Variants in MYH6 observed in about 807,000 individuals in gnomAD.
The protein encoded by MYH6 is myosin-6.
MYH6 carries 126 observed loss-of-function variants against 223.2 expected under a neutral mutation model. The observed-to-expected ratio is 0.56, with a 90% CI of 0.49 to 0.65. The LOEUF is 0.65. MYH6 is among the 30% of genes least tolerant of loss of function. The pLI, the probability that MYH6 is intolerant of heterozygous loss-of-function variation, is 0.00. For synonymous variants in MYH6, 978 were observed against 1,010.2 expected (o/e 0.97, Z 0.61); for missense variants, 2,040 against 2,536.4 (o/e 0.80, Z 4.20).
chr14:23,392,668 G>A lies in MYH6; in HGVS notation c.3252-16C>T, dbSNP rs779250087. ...AAACTCCTTCCTGCAGGAGAAGGGT[G>A]GGGGTGGGGGAGTGACAGGTAGCCT... On this transcript the variant is annotated splice_polypyrimidine_tract_variant and intron_variant, in intron 24 of 38. Transcript: ENST00000405093. 56 of 1,302,238 alleles carry A rather than the reference G, an allele frequency of 4.3e-5. 2 individuals are homozygous for A. The South Asian group carries it at 6.2e-4, about 14-fold the overall frequency. The allele number at this position is 1,302,238 out of a possible 1,614,324, so 80.7% of individuals were successfully genotyped here.
At chr14:23,397,487 A>G (rs956666571) in intron 16 of MYH6, 56 bp downstream of exon 16, 13 of 1,577,040 alleles carry the variant, frequency 8.2e-6, no homozygotes, top group Admixed American at 1.7e-5. Flanking sequence ...TGCAGCCAGA[A>G]GTCTCTGGGC....
chr14:23,382,801 G>A (rs1035216218), intron 37 of MYH6, among the ~76,000 whole-genome samples: 6 of 152,128 alleles, frequency 3.9e-5, no homozygotes, highest in East Asian at 1.9e-4. Flanking sequence ...CCCGATCTGG[G>A]CCCCTTCAGA....
rs1555333539 is a variant in MYH6 at position 23,388,900 on chromosome 14, C to T, written c.4134G>A (p.Glu1378=). ...CCTCAGTCCGCTGAATGGCGTCCGT[C>T]TCATACTTGGTCCTCCACTGGGCCA... is the stretch of plus-strand genomic sequence containing the variant. The part of the protein sequence containing the change: ...SEVAQWRTKY[E]TDAIQRTEEL... Residue 1378 remains glutamate (E), a synonymous_variant, in exon 29 of 39, where the codon GAG becomes GAA. Transcript: ENST00000405093. 3 of 1,613,810 alleles carry T rather than the reference C, an allele frequency of 1.9e-6. 1 individual carries two copies. The Admixed American group carries it at 5.0e-5, about 27-fold the overall frequency.
At chr14:23,384,184 G>A (rs1254853594) in intron 36 of MYH6, among the ~76,000 whole-genome samples, 4 of 129,626 alleles carry the variant, frequency 3.1e-5, no homozygotes, top group African/African-American at 6.5e-5. Context: ...AGCACTTAGA[G>A]TTATTAAAAA....
intron 19 of MYH6, 41 bp downstream of exon 19, chr14:23,396,653 G>A (rs761851326): frequency 2.5e-6 from 4 of 1,613,950 alleles, no homozygotes; most frequent in Non-Finnish European, 8.5e-7. Flanking sequence ...ACTCAACATG[G>A]CCACCTGCCC....
rs1891755697 is a variant in MYH6 at position 23,405,467 on chromosome 14, C to T, written c.346-88G>A. ...GCAGCCAGGCATGTCCCTGTTCACT[C>T]CAGCTGGCTCTACTCCTCCTGCAGC... On this transcript the variant is annotated intron_variant, in intron 4 of 38. Coordinates refer to ENST00000405093, the MANE Select transcript of MYH6 (RefSeq NM_002471.4). This position sits in a 1 kb window ranked among gnomAD's most constrained non-coding sequence, Gnocchi z 4.7. The T allele has an allele frequency of 5.6e-6, 9 of 1,605,580 alleles. No homozygotes were observed. Among genetic ancestry groups the T allele is most frequent in the Non-Finnish European group, 7.7e-6 (9 of 1,173,300 alleles).
chr14:23,396,329 C>G lies in MYH6; in HGVS notation c.2384G>C (p.Arg795Pro). Residue 795 changes from arginine (R) to proline (P), a missense_variant, in exon 20 of 39, where the codon CGG (arginine) becomes CCG (proline). Around this residue, in one of 4 missense-constraint regions of MYH6, gnomAD observed 649 missense variants for 877.3 expected, o/e 0.74. Coordinates refer to ENST00000405093, the MANE Select transcript of MYH6 (RefSeq NM_002471.4). The part of the protein sequence containing the change: ...RIITRMQAQA[R>P]GQLMRIEFKK... ...GAACTCAATGCGCATGAGCTGGCCCCGGGCTTGGGCCTGCATGCGCGTGAT... is the reference window on the plus strand; with the variant it reads ...GAACTCAATGCGCATGAGCTGGCCCGGGGCTTGGGCCTGCATGCGCGTGAT... 1 of 1,614,150 alleles carries G rather than the reference C, an allele frequency of 6.2e-7. No homozygotes were observed. The highest frequency in any genetic ancestry group is 2.2e-5 in the East Asian group (1 of 44,874).
rs1891327210 is a variant in MYH6 at position 23,394,197 on chromosome 14, G to A, written c.2556C>T (p.Ala852=). 1 of 1,614,222 alleles carries A rather than the reference G, an allele frequency of 6.2e-7. No individual in the cohort carries two copies. Among genetic ancestry groups the A allele is most frequent in the Non-Finnish European group, 8.5e-7 (1 of 1,180,048 alleles). ...TGCGCCCGAACTCTTCCTTCATGGT[G>A]GCCATCTCCTTCTCCGTCTCTGCGC... is the stretch of plus-strand genomic sequence containing the variant. ...LKSAETEKEM[A]TMKEEFGRIK... is the part of the protein sequence containing the mutation. Residue 852 remains alanine, a synonymous_variant, in exon 21 of 39, where the codon GCC becomes GCT. Coordinates refer to ENST00000405093, the MANE Select transcript of MYH6 (RefSeq NM_002471.4).
rs1372933415 is a variant in MYH6, at chr14:23,394,069, G to A, written c.2684C>T (p.Ala895Val). The part of the protein sequence containing the change: ...EKNDLQLQVQ[A>V]EQDNLNDAEE... ...GAAGAGATAATCACGTGGCCTCACC[G>A]CCTGCACTTGGAGCTGCAGGTCATT... The change falls in exon 21 of 39, where the codon GCG becomes GTG. Residue 895 changes from alanine (A) to valine (V), a missense_variant and splice_region_variant. By Grantham distance (64) the Ala-to-Val change is moderately conservative. Coordinates refer to ENST00000405093, the MANE Select transcript of MYH6 (RefSeq NM_002471.4). 26 of 1,613,982 alleles carry A rather than the reference G, an allele frequency of 1.6e-5. No individual in the cohort carries two copies. Among genetic ancestry groups the A allele is most frequent in the East Asian group, 6.7e-5 (3 of 44,888 alleles).
rs775038703 is a variant in MYH6, at chr14:23,407,105, G to A, written c.119C>T (p.Pro40Leu). Residue 40 changes from proline (P) to leucine (L), a missense_variant, in exon 3 of 39, where the codon CCC becomes CTC. Physicochemically the swap from Pro to Leu is moderately conservative, Grantham distance 98 (BLOSUM62 -3). This residue lies in a region of MYH6 where 184 missense variants were observed against 232.4 expected (regional missense o/e 0.79). Coordinates refer to ENST00000405093, the MANE Select transcript of MYH6 (RefSeq NM_002471.4). This position sits in a 1 kb window ranked among gnomAD's most constrained non-coding sequence, Gnocchi z 5.6. ...PFDIRTECFV[P>L]DDKEEFVKAK... Reference sequence around the variant, plus strand: ...TTTGACAAACTCTTCCTTGTCATCGGGCACGAAGCACTCAGTGCGAATGTC... The same window carrying A: ...TTTGACAAACTCTTCCTTGTCATCGAGCACGAAGCACTCAGTGCGAATGTC... The A allele has an allele frequency of 6.2e-7, 1 of 1,614,204 alleles. No homozygotes were observed. Among genetic ancestry groups the A allele is most frequent in the Non-Finnish European group, 8.5e-7 (1 of 1,180,038 alleles).
At chr14:23,404,678 C>A (rs1280898271) in intron 7 of MYH6, 33 bp downstream of exon 7, 2 of 1,599,246 alleles carry the variant, frequency 1.3e-6, no homozygotes, top group Middle Eastern at 1.7e-4. Flanking sequence ...CCCCCCAACC[C>A]CTGTTCTGCC....
rs373521230 is a variant in MYH6, at chr14:23,402,453, G to A, written c.1141+11C>T. 53 of 1,612,376 alleles carry A rather than the reference G, an allele frequency of 3.3e-5. No individual in the cohort carries two copies. In the South Asian group the frequency reaches 4.1e-4, roughly 12 times the overall value. On this transcript the variant is annotated intron_variant, in intron 12 of 38. Coordinates refer to ENST00000405093, the MANE Select transcript of MYH6 (RefSeq NM_002471.4). ...CAGGCCTTCCCAGGGCTGCCTGCCTGCCCCTCCCACCTTCGGTGCCGTCTG... is the reference window on the plus strand; with the variant it reads ...CAGGCCTTCCCAGGGCTGCCTGCCTACCCCTCCCACCTTCGGTGCCGTCTG...
At chr14:23,389,334 T>G in intron 28 of MYH6, 59 bp downstream of exon 28, 19 of 1,558,720 alleles carry the variant, frequency 1.2e-5, no homozygotes, top group South Asian at 2.2e-5. Flanking sequence ...TTTCTGGCAC[T>G]GAGATGAATT....
intron 34 of MYH6, 103 bp downstream of exon 34, chr14:23,385,825 T>C (rs1891000942): frequency 3.9e-6 from 6 of 1,523,142 alleles, no homozygotes; most frequent in Non-Finnish European, 5.5e-6. Flanking sequence ...GGAAATGATT[T>C]GTGACCCTGG....
Position 23,393,683 on chromosome 14 carries a change from G to T in MYH6, c.2911C>A (p.His971Asn). 1 of 1,614,160 alleles carries T rather than the reference G, an allele frequency of 6.2e-7. No individual in the cohort carries two copies. The highest frequency in any genetic ancestry group is 8.5e-7 in the Non-Finnish European group (1 of 1,180,034). The stretch of plus-strand genomic sequence containing the variant: ...GCCCTCACCTTGTTCTCTGTTGCAT[G>T]CTTCTCCTTCTCCACCTTGGCCAGT... ...LTLAKVEKEK[H>N]ATENKVKNLT... Residue 971 changes from histidine (H) to asparagine (N), a missense_variant, in exon 22 of 39, where the codon CAT (histidine) becomes AAT (asparagine). Around this residue, in one of 4 missense-constraint regions of MYH6, gnomAD observed 1,203 missense variants for 1,400.2 expected, o/e 0.86. Transcript: ENST00000405093.
At chr14:23,404,223 G>A in intron 8 of MYH6, 73 bp downstream of exon 8, 1 of 1,509,620 alleles carries the variant, frequency 6.6e-7, no homozygotes, top group Non-Finnish European at 9.2e-7. Flanking sequence ...AATCAACTGG[G>A]TGTGGCAAAA....
intron 15 of MYH6, among the ~76,000 whole-genome samples, chr14:23,397,963 T>TCCC (rs1891471152): frequency 8.0e-6 from 1 of 124,560 alleles, no homozygotes; most frequent in African/African-American, 3.2e-5. Flanking sequence ...TTCTTCTTCT[T>TCCC]CTTCTTCTTC....
intron 10 of MYH6, among the ~76,000 whole-genome samples, chr14:23,403,139 G>A (rs1419058425): frequency 6.6e-6 from 1 of 152,012 alleles, no homozygotes; most frequent in Non-Finnish European, 1.5e-5. Context: ...GAGAAGGAGT[G>A]AGGTGTGTGA....
At chr14:23,406,137 G>A (rs1002345359) in intron 3 of MYH6, among the ~76,000 whole-genome samples, 2 of 152,130 alleles carry the variant, frequency 1.3e-5, no homozygotes, top group African/African-American at 4.8e-5. Flanking sequence ...CCCCGAGGCT[G>A]TCTCCCGCGG....
Sources: allele counts gnomAD v4.1 joint callset (sites outside exome capture counted in the v4.1 genomes callset), GRCh38; gene constraint gnomAD v4.1.1; regional missense constraint gnomAD v4.1.1; non-coding constraint Gnocchi (gnomAD v3.1); transcripts MANE v1.5; gene names NCBI Gene and HGNC (gene_info 2026-07-23, HGNC 2026-07-21).